Variants in STXBP4 observed in about 807,000 individuals in gnomAD.
The protein encoded by STXBP4 is syntaxin binding protein 4.
A neutral mutation model predicts 76.1 loss-of-function variants in STXBP4; 55 were observed. The observed-to-expected ratio is 0.72, with a 90% CI of 0.58 to 0.91. The LOEUF is 0.91. Among genes scored for constraint, STXBP4 ranks in the 40% least tolerant of loss-of-function variants. The probability of loss-of-function intolerance (pLI) is 0.00; values close to 1 mark genes in which losing one functional copy is unlikely to be tolerated. For missense variants in STXBP4, 618 were observed against 636.9 expected (o/e 0.97, Z 0.32); for synonymous variants, 201 against 220.2 (o/e 0.91, Z 0.77).
downstream of STXBP4, among the ~76,000 whole-genome samples, chr17:55,176,845 G>A (rs750811945): frequency 1.4e-4 from 21 of 152,078 alleles, no homozygotes; most frequent in Admixed American, 9.2e-4. Flanking sequence ...TTCTTGAGAT[G>A]GGACATCATT....
the STXBP4 span, among the ~76,000 whole-genome samples, chr17:55,206,279 G>A: frequency 6.6e-6 from 1 of 152,234 alleles, no homozygotes; most frequent in African/African-American, 2.4e-5. Context: ...TGGCTGTGGG[G>A]TGATTGTTTA....
chr17:55,001,711 G>A lies in STXBP4; in HGVS notation c.574+828G>A, dbSNP rs752969862. On this transcript the variant is annotated intron_variant, in intron 7 of 17. Coordinates refer to ENST00000376352, the MANE Select transcript of STXBP4 (RefSeq NM_178509.6). ...TTTTGAGATGGATTCTTGCTCTGTC[G>A]AAGTTCCGCCTCCTGGGTTCACGCC... Among the ~76,000 whole-genome samples, 35 of 151,848 alleles carry A rather than the reference G, an allele frequency of 2.3e-4. 1 individual carries two copies. Among genetic ancestry groups the A allele is most frequent in the Non-Finnish European group, 3.8e-4 (26 of 67,968 alleles).
At chr17:55,016,649 T>C (rs1332697671) in intron 8 of STXBP4, among the ~76,000 whole-genome samples, 1 of 152,224 alleles carries the variant, frequency 6.6e-6, no homozygotes, top group Non-Finnish European at 1.5e-5. Flanking sequence ...CTCAATCACC[T>C]GGAAGGAACC....
At position 55,141,346 on chromosome 17, in the gene STXBP4, A is replaced by G. The variant is rs1194667460; in HGVS notation, c.1526A>G (p.Asp509Gly). 13 of 1,612,172 alleles carry G rather than the reference A, an allele frequency of 8.1e-6. No homozygotes were observed. Among genetic ancestry groups the G allele is most frequent in the East Asian group, 2.2e-5 (1 of 44,780 alleles). Residue 509 changes from aspartate to glycine, a missense_variant, in exon 17 of 18, where the codon GAT (aspartate) becomes GGT (glycine). Asp to Gly is a moderately conservative substitution (Grantham distance 94). Transcript: ENST00000376352. The part of the protein sequence containing the change: ...PYGWEEAYTA[D>G]GIKYFINHVT... ...GGGTGGGAGGAAGCTTACACAGCAG[A>G]TGGAATCAAGTACTTCATCAAGTAA...
chr17:55,132,373 T>C (rs1292508125), intron 16 of STXBP4, among the ~76,000 whole-genome samples: 2 of 152,102 alleles, frequency 1.3e-5, no homozygotes, highest in Non-Finnish European at 2.9e-5. Flanking sequence ...GTATTTTTAG[T>C]AGAGACGGGG....
intron 17 of STXBP4, among the ~76,000 whole-genome samples, chr17:55,156,865 C>G (rs1340555754): frequency 1.3e-5 from 2 of 151,932 alleles, no homozygotes; most frequent in Non-Finnish European, 2.9e-5. Flanking sequence ...TTAAAAAGTG[C>G]TTAATGAAGG....
At chr17:55,041,314 T>G (rs2078696077) in intron 10 of STXBP4, among the ~76,000 whole-genome samples, 1 of 150,852 alleles carries the variant, frequency 6.6e-6, no homozygotes, top group South Asian at 2.1e-4. Context: ...CACTGCAGCC[T>G]TGACCTCCCC....
At chr17:55,096,286 G>A (rs1347262844) in intron 16 of STXBP4, among the ~76,000 whole-genome samples, 2 of 152,088 alleles carry the variant, frequency 1.3e-5, no homozygotes, top group African/African-American at 4.8e-5. Context: ...CTCCTAAGTA[G>A]CTGGAACTGC....
intron 17 of STXBP4, among the ~76,000 whole-genome samples, chr17:55,151,356 T>C (rs952171708): frequency 1.3e-5 from 2 of 152,194 alleles, no homozygotes; most frequent in Non-Finnish European, 2.9e-5. Flanking sequence ...GTGAGATTTA[T>C]ATGAAAAGCA....
At chr17:55,023,916 C>CAAAAAAAAAAAAAAA (rs61454264) in intron 8 of STXBP4, among the ~76,000 whole-genome samples, 13 of 62,236 alleles carry the variant, frequency 2.1e-4, no homozygotes, top group African/African-American at 2.8e-4. Flanking sequence ...GGCCCTTTTC[C>CAAAAAAAAAAAAAAA]AAAAAAAAAA....
the STXBP4 span, among the ~76,000 whole-genome samples, chr17:55,192,234 G>A: frequency 6.6e-6 from 1 of 152,160 alleles, no homozygotes; most frequent in Non-Finnish European, 1.5e-5. Context: ...TTGGAGGATA[G>A]AGTGTATATT....
At chr17:55,043,812 C>T in intron 11 of STXBP4, 1 of 609,530 alleles carries the variant, frequency 1.6e-6, no homozygotes. Flanking sequence ...TAACATTTTT[C>T]TTCTCTTTTT....
In STXBP4 at chr17:54,986,190, T is replaced by C; in HGVS notation, c.-30T>C. 4 of 1,569,554 alleles carry C rather than the reference T, an allele frequency of 2.5e-6. No homozygotes were observed. The highest frequency in any genetic ancestry group is 3.5e-6 in the Non-Finnish European group (4 of 1,148,438). On this transcript the variant is annotated 5_prime_UTR_variant, in exon 3 of 18. Transcript: ENST00000376352. ...TCATCAAGATCTTCATTTATACAGC[T>C]GTTAAATCCAAGGCTACTTTGGTGA...
chr17:55,161,097 T>C lies in STXBP4; in HGVS notation c.*1186T>C, dbSNP rs1403017726. On this transcript the variant is annotated 3_prime_UTR_variant, in exon 18 of 18. Coordinates refer to ENST00000376352, the MANE Select transcript of STXBP4 (RefSeq NM_178509.6). ...TAAGAACCATTCATTGTAGCCATTT[T>C]ATAGTTGAGTAAACTGAGATCTTAA... The C allele has an allele frequency of 6.6e-6, 1 of 152,270 alleles. No homozygotes were observed. Among genetic ancestry groups the C allele is most frequent in the African/African-American group, 2.4e-5 (1 of 41,472 alleles). 9.4% of individuals were successfully genotyped at this position (152,270 alleles called of 1,614,324 possible).
At chr17:55,181,709 T>A in the STXBP4 span, among the ~76,000 whole-genome samples, 1 of 152,176 alleles carries the variant, frequency 6.6e-6, no homozygotes, top group Non-Finnish European at 1.5e-5. Flanking sequence ...TGAGAAATGC[T>A]AAGACTGATA....
At chr17:55,102,438 T>G (rs1022036002) in intron 16 of STXBP4, among the ~76,000 whole-genome samples, 4 of 152,146 alleles carry the variant, frequency 2.6e-5, no homozygotes, top group African/African-American at 7.2e-5. Flanking sequence ...CATCCATGTC[T>G]CAGCAAAGGG....
chr17:55,109,670 C>T (rs1249084191), intron 16 of STXBP4, among the ~76,000 whole-genome samples: 1 of 146,618 alleles, frequency 6.8e-6, no homozygotes, highest in African/African-American at 2.6e-5. Flanking sequence ...ACTCTTGTTG[C>T]CCAGGCTGGA....
the STXBP4 span, among the ~76,000 whole-genome samples, chr17:55,185,248 T>C: frequency 1.6e-4 from 7 of 43,938 alleles, no homozygotes; most frequent in African/African-American, 7.2e-4. Flanking sequence ...TTCTTCTTCT[T>C]CTCCTTCTCC....
chr17:55,018,432 G>A (rs1306325971), intron 8 of STXBP4, among the ~76,000 whole-genome samples: 1 of 152,192 alleles, frequency 6.6e-6, no homozygotes, highest in Non-Finnish European at 1.5e-5. Flanking sequence ...GAAGAGTACA[G>A]TTGCAAGATT....
Sources: gnomAD v4.1 joint callset for allele counts (sites outside exome capture counted in the v4.1 genomes callset) on GRCh38, gnomAD v4.1.1 for gene constraint, MANE v1.5 for transcripts, NCBI Gene and HGNC (gene_info 2026-07-23, HGNC 2026-07-21) for gene names.